Variants in FBXW7 observed in about 807,000 individuals in gnomAD.
The protein encoded by FBXW7 is F-box and WD repeat domain containing 7.
Under a neutral mutation model 86.3 loss-of-function variants are expected in FBXW7, and 11 were observed. The ratio of observed to expected loss-of-function variants is 0.13; its 90% CI spans 0.08 to 0.21. The LOEUF is 0.21. FBXW7 is among the 10% of genes least tolerant of loss of function. The pLI is 1.00. For missense variants in FBXW7, 488 were observed against 847.4 expected, an observed-to-expected ratio of 0.58 and a Z score of 5.27; for synonymous variants, 313 against 297.9, an observed-to-expected ratio of 1.05 and a Z score of -0.52.
Position 152,535,996 on chromosome 4 carries a change from TCAGCGGCGGCGGCGGCGG to T in FBXW7, c.-1100_-1083del. ...CTCGGATGCTCCTTCGCTCTCAGTC[TCAGCGGCGGCGGCGGCGG>T]CAGCGGCAGCGGCAGCGCCCGGAGC... On this transcript the variant is annotated 5_prime_UTR_variant, in exon 1 of 14. Transcript: ENST00000281708. 4.1e-6 allele frequency: 1 copy of T among 241,288 alleles called. No homozygotes were observed. Among genetic ancestry groups the T allele is most frequent in the Non-Finnish European group, 7.9e-6 (1 of 126,666 alleles). The allele number at this position is 241,288 out of a possible 1,614,324, so 14.9% of individuals were successfully genotyped here. A position where few individuals can be genotyped will look rare whatever the true frequency, so the allele number is the denominator to read the frequency against.
chr4:152,385,013 T>C (rs1579059937), intron 4 of FBXW7, among the ~76,000 whole-genome samples: 1 of 152,050 alleles, frequency 6.6e-6, no homozygotes, highest in Non-Finnish European at 1.5e-5. Flanking sequence ...ATTTTGTCCT[T>C]CTCTCATTAG....
chr4:152,527,956 G>A (rs1749679895), intron 2 of FBXW7, among the ~76,000 whole-genome samples: 1 of 151,638 alleles, frequency 6.6e-6, no homozygotes, highest in South Asian at 2.1e-4. Context: ...AATTTGCCTT[G>A]AGACTTCACA....
chr4:152,398,333 TAA>T (rs201979300), intron 4 of FBXW7, among the ~76,000 whole-genome samples: 1 of 146,874 alleles, frequency 6.8e-6, no homozygotes, highest in Non-Finnish European at 1.5e-5. Context: ...TGTTTCACAG[TAA>T]AAAAAAAAAT....
At chr4:152,408,140 C>T (rs1737592255) in intron 4 of FBXW7, among the ~76,000 whole-genome samples, 1 of 152,132 alleles carries the variant, frequency 6.6e-6, no homozygotes, top group African/African-American at 2.4e-5. Context: ...GAGAAGAGAA[C>T]AGGTGGAAGC....
At position 152,454,292 on chromosome 4, in the gene FBXW7, G is replaced by A. The variant is rs139194268; in HGVS notation, c.-119-41763C>T. 4.8e-4 allele frequency among the ~76,000 whole-genome samples: 57 copies of A among 119,412 alleles called. No homozygotes were observed. In the East Asian group the frequency reaches 0.012, roughly 25 times the overall value. 78.3% of individuals were successfully genotyped at this position (119,412 alleles called of 152,430 possible). ...TTTTTTTTTTCCACGCCAATACCTT[G>A]CAGAAACCATGTTAGGTGTCTCATA... On this transcript the variant is annotated intron_variant, in intron 2 of 13. Transcript: ENST00000281708.
intron 4 of FBXW7, among the ~76,000 whole-genome samples, chr4:152,390,149 A>C (rs1735873132): frequency 6.6e-6 from 1 of 151,638 alleles, no homozygotes; most frequent in South Asian, 2.1e-4. Flanking sequence ...AGTGGTCTAA[A>C]CACTAGCATA....
At chr4:152,410,403 C>G (rs974991515) in intron 4 of FBXW7, among the ~76,000 whole-genome samples, 1 of 152,150 alleles carries the variant, frequency 6.6e-6, no homozygotes, top group African/African-American at 2.4e-5. Context: ...GCTTCAACAT[C>G]TTGAGACAGG....
rs1186351500 is a variant in FBXW7 at position 152,382,962 on chromosome 4, C to T, written c.501+28341G>A. 2.6e-5 allele frequency among the ~76,000 whole-genome samples: 4 copies of T among 152,022 alleles called. No homozygotes were observed. In the East Asian group the frequency reaches 7.7e-4, roughly 29 times the overall value. ...AGCACTATTTTCAAGTGTGTGCTCT[C>T]TTTCCCTTTTCCATACACACCATTC... On this transcript the variant is annotated intron_variant, in intron 4 of 13. Coordinates refer to ENST00000281708, the MANE Select transcript of FBXW7 (RefSeq NM_001349798.2).
intron 2 of FBXW7, among the ~76,000 whole-genome samples, chr4:152,527,286 C>T (rs1315769999): frequency 6.6e-6 from 1 of 152,306 alleles, no homozygotes; most frequent in East Asian, 1.9e-4. Context: ...TATTTTATTA[C>T]GTAAATGAGA....
At chr4:152,354,666 G>A (rs1285966112) in intron 4 of FBXW7, among the ~76,000 whole-genome samples, 2 of 152,092 alleles carry the variant, frequency 1.3e-5, no homozygotes, top group Non-Finnish European at 2.9e-5. Context: ...AAAACCTAAA[G>A]AAAATATCTC....
intron 2 of FBXW7, among the ~76,000 whole-genome samples, chr4:152,484,787 C>T (rs1313622264): frequency 1.3e-5 from 2 of 152,028 alleles, no homozygotes; most frequent in Non-Finnish European, 2.9e-5. Context: ...CATGGCGAAA[C>T]CCTGTCTCTA....
At chr4:152,457,515 G>A (rs960449470) in intron 2 of FBXW7, among the ~76,000 whole-genome samples, 1 of 151,866 alleles carries the variant, frequency 6.6e-6, no homozygotes, top group Non-Finnish European at 1.5e-5. Context: ...GTGGTGGCAG[G>A]CGCCTGTAGT....
At chr4:152,518,954 T>A (rs1748754483) in intron 2 of FBXW7, among the ~76,000 whole-genome samples, 1 of 152,032 alleles carries the variant, frequency 6.6e-6, no homozygotes, top group Non-Finnish European at 1.5e-5. Flanking sequence ...AAAAAATAAA[T>A]TTTTTTTAAA....
At chr4:152,387,394 A>C (rs1267094430) in intron 4 of FBXW7, among the ~76,000 whole-genome samples, 2 of 152,132 alleles carry the variant, frequency 1.3e-5, no homozygotes, top group African/African-American at 4.8e-5. Flanking sequence ...ATACAGAGTA[A>C]AGCAGATTAT....
intron 2 of FBXW7, among the ~76,000 whole-genome samples, chr4:152,445,323 A>G (rs978759813): frequency 5.9e-5 from 9 of 152,186 alleles, no homozygotes; most frequent in Admixed American, 3.3e-4. Context: ...AATTGAAAGT[A>G]CAAATACAAA....
chr4:152,483,540 A>G (rs993265090), intron 2 of FBXW7, among the ~76,000 whole-genome samples: 1 of 152,062 alleles, frequency 6.6e-6, no homozygotes, highest in African/African-American at 2.4e-5. Context: ...AGTCTCTACA[A>G]AAAGTACAAA....
chr4:152,398,768 G>C (rs558008661), intron 4 of FBXW7, among the ~76,000 whole-genome samples: 1 of 151,864 alleles, frequency 6.6e-6, no homozygotes, highest in African/African-American at 2.4e-5. Context: ...ACAAAATTAT[G>C]TCTCTCAGAA....
rs115100847 is a variant in FBXW7, at chr4:152,457,828, C to A, written c.-119-45299G>T. Reference sequence around the variant, plus strand: ...AGCTCAAAAGATAAAAGATGTTACACTGATACTGTGGAATTTAAGAAAGAT... The same window carrying A: ...AGCTCAAAAGATAAAAGATGTTACAATGATACTGTGGAATTTAAGAAAGAT... On this transcript the variant is annotated intron_variant, in intron 2 of 13. Coordinates refer to ENST00000281708, the MANE Select transcript of FBXW7 (RefSeq NM_001349798.2). 9.7e-3 allele frequency among the ~76,000 whole-genome samples: 1,471 copies of A among 151,674 alleles called. 30 individuals are homozygous for A. Among genetic ancestry groups the A allele is most frequent in the African/African-American group, 0.033 (1,371 of 41,344 alleles).
chr4:152,431,392 A>G (rs1739877725), intron 2 of FBXW7, among the ~76,000 whole-genome samples: 1 of 152,218 alleles, frequency 6.6e-6, no homozygotes, highest in Admixed American at 6.5e-5. Context: ...ACAGGAAAAA[A>G]AAGCTGATTT....
Sources: gnomAD v4.1 joint callset for allele counts (sites outside exome capture counted in the v4.1 genomes callset) on GRCh38, gnomAD v4.1.1 for gene constraint, MANE v1.5 for transcripts, NCBI Gene and HGNC (gene_info 2026-07-23, HGNC 2026-07-21) for gene names.